TMC1: variants seen among roughly 807,000 people sequenced by gnomAD.
TMC1 encodes the protein transmembrane channel-like protein 1.
A neutral mutation model predicts 105.8 loss-of-function variants in TMC1; 84 were observed. The observed-to-expected ratio is 0.79, with a 90% CI of 0.67 to 0.95. TMC1 has a LOEUF of 0.95. Among genes scored for constraint, TMC1 ranks in the 40% least tolerant of loss-of-function variants. The pLI is 0.00. For synonymous variants in TMC1, 315 were observed against 311.5 expected (o/e 1.01, Z -0.12); for missense variants, 817 against 914.1 (o/e 0.89, Z 1.37).
At chr9:72,835,893 C>G in intron 23 of TMC1, 58 bp from the exon 24 acceptor site, 2 of 1,547,034 alleles carry the variant, frequency 1.3e-6, no homozygotes, top group Non-Finnish European at 1.7e-6. Flanking sequence ...GCCTCCTGTT[C>G]ATCTTCTCTC....
chr9:72,775,310 G>A (rs116316667), intron 13 of TMC1, among the ~76,000 whole-genome samples: 1,861 of 148,792 alleles, frequency 0.013, 32 homozygotes, highest in African/African-American at 0.044. Context: ...CACATCATAT[G>A]CTTAGAAATC....
chr9:72,646,680 C>G (rs897170973), intron 4 of TMC1, among the ~76,000 whole-genome samples: 10 of 151,690 alleles, frequency 6.6e-5, no homozygotes, highest in Non-Finnish European at 1.3e-4. Context: ...GTCCTGCAGA[C>G]TGGAGTGCAG....
chr9:72,660,234 C>A lies in TMC1; in HGVS notation c.16+11570C>A, dbSNP rs563997617. ...TGACTATTTTTCTGATTTTTCACTT[C>A]ATGGACAATATTGTATGCAAGTTAA... On this transcript the variant is annotated intron_variant, in intron 5 of 23. Transcript: ENST00000297784. Among the ~76,000 whole-genome samples the A allele has an allele frequency of 3.9e-5, 6 of 152,240 alleles. No homozygotes were observed. The East Asian group carries it at 1.2e-3, about 29-fold the overall frequency.
At chr9:72,588,228 GCTTA>G (rs1267756875) in intron 2 of TMC1, among the ~76,000 whole-genome samples, 15 of 152,168 alleles carry the variant, frequency 9.9e-5, no homozygotes, top group African/African-American at 3.6e-4. Flanking sequence ...CTGTCACTTT[GCTTA>G]CTTACTGCTG....
intron 1 of TMC1, among the ~76,000 whole-genome samples, chr9:72,572,721 G>T (rs1824309353): frequency 6.6e-6 from 1 of 152,132 alleles, no homozygotes; most frequent in African/African-American, 2.4e-5. Flanking sequence ...GGCCATGGTG[G>T]TTCATGACTG....
chr9:72,719,720 A>AT (rs1280905246), intron 8 of TMC1, among the ~76,000 whole-genome samples: 1 of 152,130 alleles, frequency 6.6e-6, no homozygotes, highest in Non-Finnish European at 1.5e-5. Context: ...CCTATCTGCC[A>AT]TTTTTTCCTA....
intron 5 of TMC1, among the ~76,000 whole-genome samples, chr9:72,676,644 C>G (rs1327528352): frequency 4.6e-5 from 7 of 152,260 alleles, no homozygotes; most frequent in Admixed American, 3.9e-4. Context: ...TAGGCTCATT[C>G]TCCTAGAGCC....
At chr9:72,758,253 A>AGGAATTCAG (rs1051519921) in intron 12 of TMC1, among the ~76,000 whole-genome samples, 4 of 152,204 alleles carry the variant, frequency 2.6e-5, no homozygotes, top group African/African-American at 9.6e-5. Context: ...TGTAAGAAAA[A>AGGAATTCAG]GGAATTCAGC....
intron 13 of TMC1, among the ~76,000 whole-genome samples, chr9:72,774,360 T>C (rs568684473): frequency 6.6e-6 from 1 of 152,306 alleles, no homozygotes; most frequent in Non-Finnish European, 1.5e-5. Flanking sequence ...AAAAGTATTA[T>C]CATTTTAACG....
chr9:72,769,469 A>C (rs921615068), intron 12 of TMC1, among the ~76,000 whole-genome samples: 2 of 152,230 alleles, frequency 1.3e-5, no homozygotes, highest in Non-Finnish European at 2.9e-5. Flanking sequence ...GGAGCAGAGC[A>C]CAGCATGTTC....
intron 3 of TMC1, among the ~76,000 whole-genome samples, chr9:72,617,386 TC>T (rs1380595755): frequency 2.0e-5 from 3 of 152,044 alleles, no homozygotes; most frequent in Non-Finnish European, 2.9e-5. Context: ...CTGGTCTTGA[TC>T]CTGACCTCAA....
At chr9:72,777,199 A>G (rs560818167) in intron 13 of TMC1, among the ~76,000 whole-genome samples, 1 of 152,272 alleles carries the variant, frequency 6.6e-6, no homozygotes, top group East Asian at 1.9e-4. Flanking sequence ...TTACCCAGAC[A>G]GTTATGACCT....
intron 1 of TMC1, among the ~76,000 whole-genome samples, chr9:72,566,403 C>T (rs1824154098): frequency 7.1e-6 from 1 of 141,744 alleles, no homozygotes; most frequent in South Asian, 2.5e-4. Flanking sequence ...CCTGCCTTTT[C>T]AATAGAAGCC....
intron 8 of TMC1, among the ~76,000 whole-genome samples, chr9:72,738,066 A>G (rs1564522831): frequency 1.3e-5 from 2 of 152,178 alleles, no homozygotes; most frequent in Non-Finnish European, 2.9e-5. Flanking sequence ...ACCCCAAACT[A>G]TGTCAATCAG....
chr9:72,760,047 A>C (rs1253468444), intron 12 of TMC1, among the ~76,000 whole-genome samples: 1 of 152,114 alleles, frequency 6.6e-6, no homozygotes, highest in Non-Finnish European at 1.5e-5. Flanking sequence ...ATAGAATGAG[A>C]GCTTTCATGT....
At chr9:72,739,707 C>T (rs1021769614) in intron 8 of TMC1, among the ~76,000 whole-genome samples, 1 of 152,110 alleles carries the variant, frequency 6.6e-6, no homozygotes, top group African/African-American at 2.4e-5. Context: ...TTGACCTAAC[C>T]TCTCTGCCCT....
At chr9:72,799,318 G>A (rs1169047367) in intron 17 of TMC1, among the ~76,000 whole-genome samples, 1 of 151,884 alleles carries the variant, frequency 6.6e-6, no homozygotes, top group Non-Finnish European at 1.5e-5. Context: ...ATTTTTTACT[G>A]CATTATTTGG....
intron 12 of TMC1, among the ~76,000 whole-genome samples, chr9:72,766,754 G>T (rs1827845041): frequency 6.6e-6 from 1 of 152,160 alleles, no homozygotes; most frequent in Admixed American, 6.5e-5. Flanking sequence ...ATCTGCCTAG[G>T]CTCAGCTCAG....
At chr9:72,818,802 G>A (rs1828828429) in intron 19 of TMC1, 1 of 152,152 alleles carries the variant, frequency 6.6e-6, no homozygotes, top group African/African-American at 2.4e-5. Context: ...AAGATAGGAT[G>A]AGCATTAACA....
Sources: allele counts gnomAD v4.1 joint callset (sites outside exome capture counted in the v4.1 genomes callset), GRCh38; gene constraint gnomAD v4.1.1; transcripts MANE v1.5; gene names NCBI Gene and HGNC (gene_info 2026-07-23, HGNC 2026-07-21).